Variants in APOLD1 observed in about 807,000 individuals in gnomAD.
APOLD1 encodes apolipoprotein L domain containing 1, also known as apolipoprotein L domain-containing protein 1.
In APOLD1, 22 loss-of-function variants were observed where a neutral mutation model predicts 15.3. That is an observed-to-expected ratio of 1.44 (90% CI 1.03 to 2.05). APOLD1 has a LOEUF of 2.05. APOLD1 is among the 30% of genes most tolerant of loss of function. APOLD1 has a pLI of 0.00. For missense variants in APOLD1, 394 were observed against 353.5 expected (o/e 1.11, Z -0.92); for synonymous variants, 190 against 167.4 (o/e 1.13, Z -1.04).
intron 1 of APOLD1, chr12:12,726,156 C>CAAAAAAAAA (rs745785485): frequency 4.8e-4 from 54 of 113,602 alleles, no homozygotes; most frequent in South Asian, 7.9e-4. Flanking sequence ...TCTTCGCAAC[C>CAAAAAAAAA]AAAAAAAAAA....
At chr12:12,728,959 T>C (rs984784197) in intron 1 of APOLD1, among the ~76,000 whole-genome samples, 1 of 152,196 alleles carries the variant, frequency 6.6e-6, no homozygotes, top group Non-Finnish European at 1.5e-5. Context: ...TCCTCCCTAA[T>C]TCATCTGCAC....
chr12:12,772,300 C>T (rs1288828897), intron 1 of APOLD1, among the ~76,000 whole-genome samples: 1 of 152,042 alleles, frequency 6.6e-6, no homozygotes, highest in Non-Finnish European at 1.5e-5. Flanking sequence ...AAAGATACAC[C>T]CTGACAACAC....
At chr12:12,768,608 C>T (rs928271006) in intron 1 of APOLD1, among the ~76,000 whole-genome samples, 8 of 151,562 alleles carry the variant, frequency 5.3e-5, no homozygotes, top group Non-Finnish European at 1.0e-4. Flanking sequence ...GCGCTAATCA[C>T]GCCACTGCAC....
In APOLD1 at chr12:12,786,997, T is replaced by G. The variant is rs1484984085; in HGVS notation, c.92T>G (p.Leu31Arg). 5 of 1,418,906 alleles carry G rather than the reference T, an allele frequency of 3.5e-6. No homozygotes were observed. In the South Asian group the frequency reaches 6.0e-5, roughly 17 times the overall value. 87.9% of individuals were successfully genotyped at this position (1,418,906 alleles called of 1,614,324 possible). The change falls in exon 2 of 2, where the codon CTG (leucine) becomes CGG (arginine). Residue 31 changes from leucine (L) to arginine (R), a missense_variant. Transcript: ENST00000356591. Reference sequence around the variant, plus strand: ...CTGCTGCTGGACCGCCGAGGCCGGCTGCACGGCCAGGTGCTGCGCCTGCGC... The same window carrying G: ...CTGCTGCTGGACCGCCGAGGCCGGCGGCACGGCCAGGTGCTGCGCCTGCGC... The part of the protein sequence containing the change: ...QGLLLDRRGR[L>R]HGQVLRLREV...
rs370055168 is a variant in APOLD1, at chr12:12,745,365, A to C, written c.96+19269A>C. On this transcript the variant is annotated intron_variant, in intron 1 of 1. Coordinates refer to the APOLD1 transcript ENST00000326765. ...GTGACCAGCCTGGCCACTAAACTCT[A>C]CTAAAAATACAAAAACTAGCTGGGC... 5.1e-4 allele frequency among the ~76,000 whole-genome samples: 77 copies of C among 152,224 alleles called. No homozygotes were observed. In the East Asian group the frequency reaches 0.011, roughly 21 times the overall value.
At chr12:12,783,200 C>T (rs1330752143), upstream of APOLD1, among the ~76,000 whole-genome samples, 2 of 151,822 alleles carry the variant, frequency 1.3e-5, no homozygotes, top group Non-Finnish European at 2.9e-5. Flanking sequence ...ACTGAGACGC[C>T]GTCTCAAAAA....
chr12:12,747,156 G>C (rs1946772623), intron 1 of APOLD1, among the ~76,000 whole-genome samples: 1 of 152,096 alleles, frequency 6.6e-6, no homozygotes, highest in Non-Finnish European at 1.5e-5. Context: ...TTGTCACCCA[G>C]GCTGGAGTGC....
chr12:12,760,632 T>A, intron 1 of APOLD1, among the ~76,000 whole-genome samples: 2 of 137,162 alleles, frequency 1.5e-5, no homozygotes, highest in East Asian at 2.2e-4. Flanking sequence ...AAAGCGAAAC[T>A]CTGTCTCAAA....
chr12:12,757,131 C>G (rs1462732967), intron 1 of APOLD1, among the ~76,000 whole-genome samples: 1 of 152,180 alleles, frequency 6.6e-6, no homozygotes, highest in African/African-American at 2.4e-5. Context: ...AAAACAAGAA[C>G]TATAAAAAAT....
chr12:12,760,408 T>C (rs1364143469), intron 1 of APOLD1, among the ~76,000 whole-genome samples: 2 of 151,120 alleles, frequency 1.3e-5, no homozygotes, highest in Middle Eastern at 3.5e-3. Context: ...GAGGCCGAAG[T>C]GGGCAGATCA....
intron 1 of APOLD1, among the ~76,000 whole-genome samples, chr12:12,749,713 T>A (rs1034246408): frequency 2.0e-5 from 3 of 152,204 alleles, no homozygotes; most frequent in Admixed American, 1.3e-4. Context: ...GGGAAACCTG[T>A]AGGGGGTATT....
chr12:12,773,956 G>A (rs1947008000), intron 1 of APOLD1, among the ~76,000 whole-genome samples: 1 of 152,052 alleles, frequency 6.6e-6, no homozygotes, highest in South Asian at 2.1e-4. Flanking sequence ...ATGGGTCACA[G>A]ACCTAAGAGT....
Position 12,787,158 on chromosome 12 carries a change from C to A in APOLD1, c.253C>A (p.Leu85Met). The change falls in exon 2 of 2, where the codon CTG (leucine) becomes ATG (methionine). Residue 85 changes from leucine (L) to methionine (M), a missense_variant. Physicochemically the swap from Leu to Met is conservative, Grantham distance 15. Coordinates refer to ENST00000356591, the MANE Select transcript of APOLD1 (RefSeq NM_030817.3). The surrounding 1 kb of genome is among the most constrained non-coding windows in gnomAD (Gnocchi z 4.9). ...CAGCCCGGTCACCCTGGGGACCTCG[C>A]TGCTGGTGTCGGCCGTGGGGCTGGG... ...SLSPVTLGTS[L>M]LVSAVGLGVA... 6.6e-7 allele frequency: 1 copy of A among 1,518,508 alleles called. No individual in the cohort carries two copies. The highest frequency in any genetic ancestry group is 8.7e-7 in the Non-Finnish European group (1 of 1,143,876). 94.1% of individuals were successfully genotyped at this position (1,518,508 alleles called of 1,614,324 possible). A position where few individuals can be genotyped will look rare whatever the true frequency, so the allele number is the denominator to read the frequency against.
intron 1 of APOLD1, among the ~76,000 whole-genome samples, chr12:12,755,220 A>C (rs1010149802): frequency 6.6e-6 from 1 of 152,208 alleles, no homozygotes; most frequent in Non-Finnish European, 1.5e-5. Context: ...ACATTAGTCT[A>C]TCAGTAGTGC....
In APOLD1 at chr12:12,731,475, C is replaced by T. The variant is rs554957189; in HGVS notation, c.96+5379C>T. Reference sequence around the variant, plus strand: ...TTTATTTGTGGTAATAAATCAGTAGCACATACACCCACATACATATGCAAT... The same window carrying T: ...TTTATTTGTGGTAATAAATCAGTAGTACATACACCCACATACATATGCAAT... On this transcript the variant is annotated intron_variant, in intron 1 of 1. Coordinates refer to the APOLD1 transcript ENST00000326765. 1.2e-4 allele frequency among the ~76,000 whole-genome samples: 19 copies of T among 152,244 alleles called. No homozygotes were observed. In the South Asian group the frequency reaches 2.7e-3, roughly 22 times the overall value.
At chr12:12,768,261 A>G (rs1946956080) in intron 1 of APOLD1, among the ~76,000 whole-genome samples, 1 of 152,088 alleles carries the variant, frequency 6.6e-6, no homozygotes, top group Non-Finnish European at 1.5e-5. Flanking sequence ...AGGTAAGAAT[A>G]CCTGATAATT....
At chr12:12,734,471 T>C (rs531616064) in intron 1 of APOLD1, among the ~76,000 whole-genome samples, 1 of 152,380 alleles carries the variant, frequency 6.6e-6, no homozygotes, top group East Asian at 1.9e-4. Context: ...ACTGTATCGA[T>C]TCTTTCCATT....
intron 1 of APOLD1, among the ~76,000 whole-genome samples, chr12:12,726,860 C>T (rs549849567): frequency 6.6e-6 from 1 of 152,300 alleles, no homozygotes; most frequent in South Asian, 2.1e-4. Context: ...CAGGAACCCA[C>T]CTAACCAGGG....
intron 1 of APOLD1, chr12:12,726,417 G>A: frequency 2.5e-6 from 1 of 401,960 alleles, no homozygotes; most frequent in South Asian, 2.1e-5. Flanking sequence ...TTAAGATTTA[G>A]GATGACTTTT....
Sources: allele counts gnomAD v4.1 joint callset (sites outside exome capture counted in the v4.1 genomes callset), GRCh38; gene constraint gnomAD v4.1.1; non-coding constraint Gnocchi (gnomAD v3.1); transcripts MANE v1.5; gene names NCBI Gene and HGNC (gene_info 2026-07-23, HGNC 2026-07-21).